CDK5RAP2: variants seen among roughly 807,000 people sequenced by gnomAD.
CDK5RAP2 encodes CDK5 regulatory subunit-associated protein 2.
A neutral mutation model predicts 232.9 loss-of-function variants in CDK5RAP2; 147 were observed. That is an observed-to-expected ratio of 0.63 (90% CI 0.55 to 0.72). The LOEUF (loss-of-function observed/expected upper bound fraction) is 0.72. Among genes scored for constraint, CDK5RAP2 ranks in the 30% least tolerant of loss-of-function variants. The pLI, the probability that CDK5RAP2 is intolerant of heterozygous loss-of-function variation, is 0.00. For missense variants in CDK5RAP2, 2,195 were observed against 2,231.5 expected (o/e 0.98, Z 0.33); for synonymous variants, 833 against 833.7 (o/e 1.00, Z 0.01).
intron 3 of CDK5RAP2, among the ~76,000 whole-genome samples, chr9:120,560,041 T>C (rs1022230553): frequency 1.3e-5 from 2 of 152,202 alleles, no homozygotes; most frequent in African/African-American, 2.4e-5. Context: ...TCCGCTTCAA[T>C]GGCTCACAAG....
intron 3 of CDK5RAP2, among the ~76,000 whole-genome samples, chr9:120,560,743 A>G (rs1021738217): frequency 5.9e-5 from 9 of 152,084 alleles, no homozygotes; most frequent in African/African-American, 2.2e-4. Flanking sequence ...TAGCCTCCCA[A>G]GTAGCTGGGA....
chr9:120,417,956 A>G (rs2034335173), intron 27 of CDK5RAP2, among the ~76,000 whole-genome samples: 1 of 152,238 alleles, frequency 6.6e-6, no homozygotes, highest in South Asian at 2.1e-4. Flanking sequence ...CGACAGAGGA[A>G]CAGAAGGAAA....
intron 17 of CDK5RAP2, 94 bp from the exon 18 acceptor site, chr9:120,468,091 T>C (rs2037486861): frequency 8.1e-7 from 1 of 1,235,968 alleles, no homozygotes; most frequent in South Asian, 1.2e-5. Context: ...AAGCGACTCT[T>C]TGGCACCACA....
In CDK5RAP2 at chr9:120,406,856, A is replaced by G. The variant is rs569128352; in HGVS notation, c.4963+156T>C. 4.7e-6 allele frequency: 3 copies of G among 633,362 alleles called. No homozygotes were observed. In the South Asian group the frequency reaches 5.9e-5, roughly 12 times the overall value. The allele number at this position is 633,362 out of a possible 1,614,324, so 39.2% of individuals were successfully genotyped here. A position where few individuals can be genotyped will look rare whatever the true frequency, so the allele number is the denominator to read the frequency against. On this transcript the variant is annotated intron_variant, in intron 32 of 37. Coordinates refer to ENST00000349780, the MANE Select transcript of CDK5RAP2 (RefSeq NM_018249.6). Reference sequence around the variant, plus strand: ...CTTTGCCCAAGGTGACCGCTAATTAATTAGCAGTCAGGTCCCCTGGCTCCT... The same window carrying G: ...CTTTGCCCAAGGTGACCGCTAATTAGTTAGCAGTCAGGTCCCCTGGCTCCT...
At position 120,545,730 on chromosome 9, in the gene CDK5RAP2, G is replaced by A. The variant is rs1425021053; in HGVS notation, c.367C>T (p.Leu123=). The change falls in exon 5 of 38, where the codon CTG becomes TTG. Residue 123 remains leucine, a synonymous_variant. Coordinates refer to ENST00000349780, the MANE Select transcript of CDK5RAP2 (RefSeq NM_018249.6). ...LKRELQEREQ[L]LIKASKAVES... ...GGTACTCACGAGGCTTTGATGAGCA[G>A]CTGCTCTCTCTCCTGGAGTTCCCGC... 6.2e-7 allele frequency: 1 copy of A among 1,613,620 alleles called. No homozygotes were observed. Among genetic ancestry groups the A allele is most frequent in the East Asian group, 2.2e-5 (1 of 44,882 alleles).
chr9:120,458,458 C>T lies in CDK5RAP2; in HGVS notation c.2367G>A (p.Leu789=). The part of the protein sequence containing the change: ...PLFNEKATLL[L]ESRPDLLKVV... The stretch of plus-strand genomic sequence containing the variant: ...CTGGGCCCCATGTATACCTGGATTC[C>T]AGTAATAATGTGGCCTTCTCATTGA... Residue 789 remains leucine, a synonymous_variant, in exon 20 of 38, where the codon CTG becomes CTA. Transcript: ENST00000349780. 6.2e-7 allele frequency: 1 copy of T among 1,614,076 alleles called. No homozygotes were observed. The highest frequency in any genetic ancestry group is 8.5e-7 in the Non-Finnish European group (1 of 1,179,996).
chr9:120,551,600 G>T (rs2042044322), intron 3 of CDK5RAP2, among the ~76,000 whole-genome samples: 1 of 152,144 alleles, frequency 6.6e-6, no homozygotes, highest in Non-Finnish European at 1.5e-5. Flanking sequence ...ATAAATCTAA[G>T]TTGAAGAACA....
At chr9:120,579,833 G>T in intron 1 of CDK5RAP2, 87 bp downstream of exon 1, 1 of 1,121,682 alleles carries the variant, frequency 8.9e-7, no homozygotes, top group Non-Finnish European at 1.4e-6. Context: ...ACACCCTCAA[G>T]AGCAAACCCC....
chr9:120,430,873 C>A (rs2035244709), intron 25 of CDK5RAP2, among the ~76,000 whole-genome samples: 1 of 152,104 alleles, frequency 6.6e-6, no homozygotes, highest in Non-Finnish European at 1.5e-5. Flanking sequence ...AAATGTCCAA[C>A]AATGATAGAC....
In CDK5RAP2 at chr9:120,545,703, A is replaced by C. The variant is rs764922983; in HGVS notation, c.383+11T>G. 9 of 1,608,076 alleles carry C rather than the reference A, an allele frequency of 5.6e-6. No individual in the cohort carries two copies. The highest frequency in any genetic ancestry group is 7.7e-6 in the Non-Finnish European group (9 of 1,174,660). ...GCGACTTGCAAGCTTTCAACGGATG[A>C]TGGTACTCACGAGGCTTTGATGAGC... On this transcript the variant is annotated intron_variant, in intron 5 of 37. Transcript: ENST00000349780.
At chr9:120,565,683 G>T (rs1480084476) in intron 3 of CDK5RAP2, among the ~76,000 whole-genome samples, 1 of 152,092 alleles carries the variant, frequency 6.6e-6, no homozygotes, top group Non-Finnish European at 1.5e-5. Context: ...GTGAGTCCCT[G>T]TGCCTGGGAT....
intron 27 of CDK5RAP2, among the ~76,000 whole-genome samples, chr9:120,418,783 T>C (rs577318348): frequency 1.3e-5 from 2 of 152,292 alleles, no homozygotes; most frequent in East Asian, 3.9e-4. Context: ...ACTCTAGGTA[T>C]GTCTTCTGTC....
At chr9:120,399,464 TA>T (rs961724179) in intron 35 of CDK5RAP2, among the ~76,000 whole-genome samples, 3 of 152,206 alleles carry the variant, frequency 2.0e-5, no homozygotes, top group African/African-American at 7.2e-5. Context: ...AATATACAAT[TA>T]TAACTTGTTG....
intron 1 of CDK5RAP2, among the ~76,000 whole-genome samples, chr9:120,573,412 T>G (rs959733147): frequency 1.3e-5 from 2 of 151,830 alleles, no homozygotes; most frequent in Admixed American, 1.3e-4. Flanking sequence ...AGCCGGGCAT[T>G]GTGGCAGGTG....
intron 34 of CDK5RAP2, among the ~76,000 whole-genome samples, chr9:120,401,610 CAAAAAAA>C (rs142588120): frequency 9.7e-5 from 6 of 61,542 alleles, no homozygotes; most frequent in Admixed American, 6.6e-4. Flanking sequence ...GACCCTGTCT[CAAAAAAA>C]AAAAAAAAAA....
intron 34 of CDK5RAP2, among the ~76,000 whole-genome samples, chr9:120,402,016 G>C (rs1352243536): frequency 6.6e-6 from 1 of 152,032 alleles, no homozygotes; most frequent in East Asian, 1.9e-4. Flanking sequence ...ATACTGCCAG[G>C]CATGATAGCT....
At chr9:120,565,517 CA>C (rs200119640) in intron 3 of CDK5RAP2, among the ~76,000 whole-genome samples, 3,423 of 152,288 alleles carry the variant, frequency 0.022, 55 homozygotes, top group Middle Eastern at 0.051. Flanking sequence ...AGCAGTGTAA[CA>C]TTCAAGAACC....
intron 25 of CDK5RAP2, 99 bp from the exon 26 acceptor site, chr9:120,422,840 C>G: frequency 1.2e-6 from 1 of 828,596 alleles, no homozygotes. Flanking sequence ...CACTATTCCA[C>G]TTGTTTAAAC....
intron 28 of CDK5RAP2, among the ~76,000 whole-genome samples, chr9:120,413,856 G>A (rs977945234): frequency 4.0e-5 from 6 of 151,746 alleles, no homozygotes; most frequent in Admixed American, 1.3e-4. Context: ...GGAGGAGGGA[G>A]GGAGAGGGCG....
Sources: gnomAD v4.1 joint callset for allele counts (sites outside exome capture counted in the v4.1 genomes callset) on GRCh38, gnomAD v4.1.1 for gene constraint, MANE v1.5 for transcripts, NCBI Gene and HGNC (gene_info 2026-07-23, HGNC 2026-07-21) for gene names.